Variants in CCDC141 observed in about 807,000 individuals in gnomAD.
CCDC141 encodes coiled-coil domain-containing protein 141.
A neutral mutation model predicts 181.0 loss-of-function variants in CCDC141; 168 were observed. That is an observed-to-expected ratio of 0.93 (90% confidence interval 0.82 to 1.05). The LOEUF is 1.05. CCDC141 is among the 50% of genes least tolerant of loss of function. The probability of loss-of-function intolerance (pLI) is 0.00; values close to 1 mark genes in which losing one functional copy is unlikely to be tolerated. For missense variants in CCDC141, 1,902 were observed against 1,788.5 expected (o/e 1.06, Z -1.14); for synonymous variants, 666 against 642.3 (o/e 1.04, Z -0.56).
the CCDC141 span, among the ~76,000 whole-genome samples, chr2:178,823,913 G>T: frequency 1.3e-5 from 2 of 152,130 alleles, no homozygotes; most frequent in Non-Finnish European, 2.9e-5. Context: ...TAAAATGAGA[G>T]AAGCTTATTT....
chr2:178,823,168 C>G, the CCDC141 span, among the ~76,000 whole-genome samples: 1 of 90,836 alleles, frequency 1.1e-5, no homozygotes, highest in South Asian at 5.0e-4. Context: ...TAAATATTAA[C>G]CACCATGATT....
At chr2:178,982,270 A>T (rs1377076860) in intron 2 of CCDC141, among the ~76,000 whole-genome samples, 1 of 152,228 alleles carries the variant, frequency 6.6e-6, no homozygotes, top group African/African-American at 2.4e-5. Flanking sequence ...TACAGAGTAT[A>T]AGATCAATAA....
chr2:178,941,636 T>C (rs1689515439), intron 6 of CCDC141, among the ~76,000 whole-genome samples: 1 of 151,678 alleles, frequency 6.6e-6, no homozygotes. Context: ...GAAATCCCAA[T>C]AAATAAACGA....
chr2:178,901,715 C>G (rs1178250292), intron 8 of CCDC141, among the ~76,000 whole-genome samples: 2 of 151,206 alleles, frequency 1.3e-5, no homozygotes, highest in East Asian at 1.9e-4. Context: ...GATGCCCTCT[C>G]TCACCACTCC....
At chr2:178,899,237 G>A (rs1315836072) in intron 8 of CCDC141, among the ~76,000 whole-genome samples, 1 of 152,176 alleles carries the variant, frequency 6.6e-6, no homozygotes, top group Non-Finnish European at 1.5e-5. Context: ...CTATGTAGTA[G>A]GCTATACCAT....
rs138334937 is a variant in CCDC141, at chr2:178,980,788, T to C, written c.226-2113A>G. On this transcript the variant is annotated intron_variant, in intron 2 of 23. Transcript: ENST00000443758. ...CTCAATTAATTTAACATGTGTTAAT[T>C]ATTTTGCAATGTATACATACCTCAA... 2.2e-3 allele frequency among the ~76,000 whole-genome samples: 332 copies of C among 152,342 alleles called. 2 individuals carry two copies. The highest frequency in any genetic ancestry group is 3.8e-3 in the Non-Finnish European group (258 of 68,044).
chr2:179,029,796 G>A (rs6710517), intron 2 of CCDC141, among the ~76,000 whole-genome samples: 4,763 of 152,224 alleles, frequency 0.031, 247 homozygotes, highest in African/African-American at 0.11. Flanking sequence ...TGATATCCCT[G>A]TGCTTAACTA....
chr2:178,914,737 G>T (rs2154374105), intron 7 of CCDC141, among the ~76,000 whole-genome samples: 1 of 152,074 alleles, frequency 6.6e-6, no homozygotes, highest in East Asian at 1.9e-4. Flanking sequence ...CATAGCAGTG[G>T]CTCAATAAAT....
In CCDC141 at chr2:178,855,511, TACTA is replaced by T. The variant is rs774946865; in HGVS notation, c.2892_2895del (p.Ser965IlefsTer8). ...TTTAAGAAAGAATCAGAGGTTTTAT[TACTA>T]ACTTTTTCCATTTTCCTTTTCAAAG... is the stretch of plus-strand genomic sequence containing the variant. On this transcript the variant is annotated frameshift_variant, in exon 19 of 24. Transcript: ENST00000443758. LOFTEE classifies it high-confidence loss of function. 2 of 1,592,930 alleles carry T rather than the reference TACTA, an allele frequency of 1.3e-6. No homozygotes were observed. The highest frequency in any genetic ancestry group is 1.7e-6 in the Non-Finnish European group (2 of 1,173,100).
chr2:179,046,308 T>C (rs2043495800), intron 2 of CCDC141, among the ~76,000 whole-genome samples: 1 of 152,250 alleles, frequency 6.6e-6, no homozygotes, highest in African/African-American at 2.4e-5. Context: ...TACCTGTTCC[T>C]GTGTTGAAAT....
chr2:178,824,242 T>C, the CCDC141 span, among the ~76,000 whole-genome samples: 3 of 152,160 alleles, frequency 2.0e-5, no homozygotes, highest in Non-Finnish European at 4.4e-5. Flanking sequence ...ATTCTGAGAT[T>C]CTCTACGAGA....
chr2:178,821,254 ATATATT>A, the CCDC141 span, among the ~76,000 whole-genome samples: 1 of 152,136 alleles, frequency 6.6e-6, no homozygotes, highest in Non-Finnish European at 1.5e-5. Context: ...ACAATCATAT[ATATATT>A]TATATTTTTT....
chr2:178,826,906 A>C (rs1466687844), downstream of CCDC141, among the ~76,000 whole-genome samples: 1 of 151,958 alleles, frequency 6.6e-6, no homozygotes, highest in Non-Finnish European at 1.5e-5. Flanking sequence ...TGCTTGCTAT[A>C]GGCTTAAACC....
At chr2:178,820,255 C>T in the CCDC141 span, among the ~76,000 whole-genome samples, 1 of 152,090 alleles carries the variant, frequency 6.6e-6, no homozygotes, top group Non-Finnish European at 1.5e-5. Flanking sequence ...CTGTGAGCTA[C>T]ATTCCTGCTT....
rs185027283 is a variant in CCDC141, at chr2:178,979,214, A to G, written c.226-539T>C. On this transcript the variant is annotated intron_variant, in intron 2 of 23. Transcript: ENST00000443758. ...TTATCTACTGTTTGAACAAAATATG[A>G]AAAATGAAAAGGAACATGTGCTTAC... is the stretch of plus-strand genomic sequence containing the variant. Among the ~76,000 whole-genome samples, 287 of 152,286 alleles carry G rather than the reference A, an allele frequency of 1.9e-3. 2 individuals are homozygous for G. Among genetic ancestry groups the G allele is most frequent in the African/African-American group, 6.7e-3 (278 of 41,566 alleles).
intron 13 of CCDC141, 138 bp from the exon 14 acceptor site, chr2:178,871,690 G>T (rs1686127738): frequency 9.1e-6 from 9 of 983,880 alleles, no homozygotes; most frequent in Non-Finnish European, 1.3e-5. Context: ...TGAGCTCAGG[G>T]TTCTAAACCA....
chr2:178,944,475 T>C, intron 6 of CCDC141, 60 bp downstream of exon 6: 1 of 717,702 alleles, frequency 1.4e-6, no homozygotes, highest in Non-Finnish European at 2.2e-6. Context: ...CACAGAAGTA[T>C]ATTCAAGAAA....
intron 6 of CCDC141, among the ~76,000 whole-genome samples, chr2:178,940,411 T>C (rs990194121): frequency 2.6e-5 from 4 of 152,330 alleles, no homozygotes; most frequent in African/African-American, 9.6e-5. Context: ...TCATTCTATT[T>C]ATGCAAATGG....
At chr2:178,881,913 TCTCACACA>T (rs780261201) in intron 11 of CCDC141, among the ~76,000 whole-genome samples, 4,092 of 110,520 alleles carry the variant, frequency 0.037, 85 homozygotes, top group Non-Finnish European at 0.052. Context: ...TCTCTCTCTC[TCTCACACA>T]CACACACACA....
Sources: allele counts gnomAD v4.1 joint callset (sites outside exome capture counted in the v4.1 genomes callset), GRCh38; gene constraint gnomAD v4.1.1; transcripts MANE v1.5; gene names NCBI Gene and HGNC (gene_info 2026-07-23, HGNC 2026-07-21).